ULK4: variants seen among roughly 807,000 people sequenced by gnomAD.
ULK4 encodes the protein unc-51 like kinase 4.
ULK4 carries 133 observed loss-of-function variants against 160.6 expected under a neutral mutation model. That is an observed-to-expected ratio of 0.83 (90% CI 0.72 to 0.96). The LOEUF is 0.96. Among genes scored for constraint, ULK4 ranks in the 40% least tolerant of loss-of-function variants. The pLI is 0.00. For missense variants in ULK4, 1,580 were observed against 1,499.5 expected (o/e 1.05, Z -0.89); for synonymous variants, 534 against 539.8 (o/e 0.99, Z 0.15).
intron 11 of ULK4, among the ~76,000 whole-genome samples, chr3:41,909,215 C>T (rs145325369): frequency 5.1e-4 from 77 of 151,866 alleles, no homozygotes; most frequent in African/African-American, 1.7e-3. Flanking sequence ...GAGCAAAGAC[C>T]GCACCACTGC....
At chr3:41,710,415 G>C (rs2037051991) in intron 25 of ULK4, among the ~76,000 whole-genome samples, 1 of 152,114 alleles carries the variant, frequency 6.6e-6, no homozygotes, top group African/African-American at 2.4e-5. Flanking sequence ...CATTTGCACT[G>C]TTTCCCCCTC....
At chr3:41,432,013 G>C (rs972625318) in intron 34 of ULK4, among the ~76,000 whole-genome samples, 3 of 151,750 alleles carry the variant, frequency 2.0e-5, no homozygotes, top group Non-Finnish European at 4.4e-5. Flanking sequence ...GGCTGATCTC[G>C]ATCTCCTGAC....
chr3:41,410,590 A>G (rs2082391203), intron 34 of ULK4, among the ~76,000 whole-genome samples: 1 of 152,148 alleles, frequency 6.6e-6, no homozygotes, highest in Non-Finnish European at 1.5e-5. Flanking sequence ...GAATTAGATA[A>G]TGGTTGCACA....
intron 30 of ULK4, among the ~76,000 whole-genome samples, chr3:41,657,939 C>T (rs2035004967): frequency 6.6e-6 from 1 of 151,834 alleles, no homozygotes; most frequent in Non-Finnish European, 1.5e-5. Context: ...AGCATTAGGC[C>T]TAATTTTCTT....
At chr3:41,489,895 A>C (rs563518076) in intron 32 of ULK4, among the ~76,000 whole-genome samples, 32 of 152,266 alleles carry the variant, frequency 2.1e-4, no homozygotes, top group African/African-American at 7.5e-4. Flanking sequence ...CTCACATAGG[A>C]ATCTTTTTCT....
chr3:41,824,163 T>TTTTAAAAA (rs555935496), intron 18 of ULK4, among the ~76,000 whole-genome samples: 2 of 117,812 alleles, frequency 1.7e-5, no homozygotes, highest in Non-Finnish European at 3.4e-5. Context: ...ACTCTATCTT[T>TTTTAAAAA]AAAAAAAAAA....
chr3:41,353,588 A>C (rs760948656), intron 35 of ULK4, among the ~76,000 whole-genome samples: 1 of 151,954 alleles, frequency 6.6e-6, no homozygotes, highest in Non-Finnish European at 1.5e-5. Flanking sequence ...GGATCACCTG[A>C]GCCCAGGAGT....
intron 17 of ULK4, among the ~76,000 whole-genome samples, chr3:41,866,783 G>A (rs1008003450): frequency 2.0e-5 from 3 of 146,448 alleles, no homozygotes; most frequent in African/African-American, 8.0e-5. Flanking sequence ...TTAAAAACTG[G>A]AAGGTTTTTA....
chr3:41,932,594 T>C (rs963138502), intron 4 of ULK4, among the ~76,000 whole-genome samples: 2 of 152,376 alleles, frequency 1.3e-5, no homozygotes, highest in South Asian at 2.1e-4. Flanking sequence ...GTCACTGGCA[T>C]GTGACAAGTG....
chr3:41,625,258 T>C (rs2033443960), intron 30 of ULK4, among the ~76,000 whole-genome samples: 4 of 152,360 alleles, frequency 2.6e-5, no homozygotes, highest in Admixed American at 1.3e-4. Flanking sequence ...GCTTTTCTTT[T>C]TTTAAACCAT....
chr3:41,809,592 C>G (rs1271746079), intron 19 of ULK4, among the ~76,000 whole-genome samples: 1 of 152,162 alleles, frequency 6.6e-6, no homozygotes, highest in African/African-American at 2.4e-5. Flanking sequence ...ATCACTGATT[C>G]AAAGTGTGTC....
chr3:41,795,931 T>G lies in ULK4; in HGVS notation c.2010+4201A>C, dbSNP rs867481276. ...TGATGAGTTAGAATCACAGGACAAG[T>G]TGACCAGCTGGTTGTAAACAATAAA... On this transcript the variant is annotated intron_variant, in intron 20 of 36. Coordinates refer to ENST00000301831, the MANE Select transcript of ULK4 (RefSeq NM_017886.4). Among the ~76,000 whole-genome samples the G allele has an allele frequency of 2.0e-5, 3 of 152,260 alleles. No homozygotes were observed. The South Asian group carries it at 6.2e-4, about 32-fold the overall frequency.
intron 18 of ULK4, among the ~76,000 whole-genome samples, chr3:41,831,953 T>C (rs1361074135): frequency 6.6e-6 from 1 of 152,214 alleles, no homozygotes; most frequent in African/African-American, 2.4e-5. Flanking sequence ...CTATCATTGA[T>C]GGGCATTTGG....
At chr3:41,841,045 GCGCCTCTGCCTGGCCGCC>G (rs2041905874) in intron 17 of ULK4, among the ~76,000 whole-genome samples, 1 of 149,010 alleles carries the variant, frequency 6.7e-6, no homozygotes, top group African/African-American at 2.5e-5. Context: ...GAAGTGAGGA[GCGCCTCTGCCTGGCCGCC>G]CATCATCTGG....
intron 5 of ULK4, among the ~76,000 whole-genome samples, chr3:41,928,893 C>T (rs1437969077): frequency 6.6e-6 from 1 of 152,000 alleles, no homozygotes; most frequent in Non-Finnish European, 1.5e-5. Context: ...GATTCACAGC[C>T]GAATTCGACC....
At chr3:41,262,052 T>G (rs978851005) in intron 35 of ULK4, among the ~76,000 whole-genome samples, 2 of 152,174 alleles carry the variant, frequency 1.3e-5, no homozygotes, top group African/African-American at 4.8e-5. Flanking sequence ...AGGCCCAGAT[T>G]GGGCAGCTCT....
intron 17 of ULK4, among the ~76,000 whole-genome samples, chr3:41,849,055 C>T (rs558677554): frequency 4.7e-4 from 71 of 152,268 alleles, no homozygotes; most frequent in African/African-American, 1.7e-3. Flanking sequence ...TGGATAGAAA[C>T]GCCACAGAAA....
At chr3:41,906,216 C>CAAA (rs58001920) in intron 12 of ULK4, among the ~76,000 whole-genome samples, 2,542 of 67,046 alleles carry the variant, frequency 0.038, 352 homozygotes, top group African/African-American at 0.16. Context: ...GACTCCGTCT[C>CAAA]AAAAAAAAAA....
In ULK4 at chr3:41,628,767, C is replaced by T. The variant is rs755079429; in HGVS notation, c.3072-13050G>A. Among the ~76,000 whole-genome samples, 5 of 152,196 alleles carry T rather than the reference C, an allele frequency of 3.3e-5. No individual in the cohort carries two copies. In the South Asian group the frequency reaches 6.2e-4, roughly 19 times the overall value. On this transcript the variant is annotated intron_variant, in intron 30 of 36. Transcript: ENST00000301831. ...TTTCCTGATTTTGATAACTGATAAC[C>T]GTTCTATGGCTATGTAACATGTTAA...
Sources: allele counts gnomAD v4.1 joint callset (sites outside exome capture counted in the v4.1 genomes callset), GRCh38; gene constraint gnomAD v4.1.1; transcripts MANE v1.5; gene names NCBI Gene and HGNC (gene_info 2026-07-23, HGNC 2026-07-21).